The following MACROD2 variants were observed in gnomAD, a reference collection of about 807,000 sequenced individuals.
MACROD2 encodes ADP-ribose glycohydrolase MACROD2.
MACROD2 carries 36 observed loss-of-function variants against 70.4 expected under a neutral mutation model. The ratio of observed to expected loss-of-function variants is 0.51; its 90% CI spans 0.39 to 0.68. The LOEUF (loss-of-function observed/expected upper bound fraction) is 0.68. MACROD2 is among the 30% of genes least tolerant of loss of function. The pLI is 0.00. For synonymous variants in MACROD2, 172 were observed against 178.8 expected (o/e 0.96, Z 0.30); for missense variants, 496 against 538.4 (o/e 0.92, Z 0.78).
intron 8 of MACROD2, among the ~76,000 whole-genome samples, chr20:15,712,656 C>G (rs942199921): frequency 2.0e-5 from 3 of 152,126 alleles, no homozygotes; most frequent in Admixed American, 6.5e-5. Flanking sequence ...CTTCCAGTGC[C>G]TGTCTCCATT....
intron 12 of MACROD2, among the ~76,000 whole-genome samples, chr20:15,938,512 T>C (rs2065701042): frequency 6.6e-6 from 1 of 152,160 alleles, no homozygotes; most frequent in Admixed American, 6.5e-5. Flanking sequence ...TGGGGTGCTA[T>C]GTACTGTGCC....
At chr20:14,819,108 T>A (rs949880056) in intron 5 of MACROD2, among the ~76,000 whole-genome samples, 5 of 151,380 alleles carry the variant, frequency 3.3e-5, no homozygotes, top group Non-Finnish European at 5.9e-5. Flanking sequence ...CTACTAAAAA[T>A]ACAGAAAAAT....
At chr20:14,167,604 G>A (rs1236641431) in intron 3 of MACROD2, among the ~76,000 whole-genome samples, 5 of 151,790 alleles carry the variant, frequency 3.3e-5, no homozygotes, top group African/African-American at 1.2e-4. Flanking sequence ...TGGCCAGCCT[G>A]GTTGCGAACT....
At chr20:14,846,730 G>A (rs938597556) in intron 5 of MACROD2, among the ~76,000 whole-genome samples, 1 of 151,422 alleles carries the variant, frequency 6.6e-6, no homozygotes, top group East Asian at 1.9e-4. Context: ...TGTTAGCCAG[G>A]ATGGTCTTGA....
At chr20:13,997,991 T>G (rs1177670261) in intron 1 of MACROD2, among the ~76,000 whole-genome samples, 1 of 152,148 alleles carries the variant, frequency 6.6e-6, no homozygotes, top group Non-Finnish European at 1.5e-5. Context: ...AGCTGTCCTT[T>G]AAAGCTAAAG....
At chr20:15,748,704 T>C (rs2051223015) in intron 8 of MACROD2, among the ~76,000 whole-genome samples, 1 of 152,146 alleles carries the variant, frequency 6.6e-6, no homozygotes, top group African/African-American at 2.4e-5. Flanking sequence ...TTGTGTCTAG[T>C]TACAGGCTTC....
intron 5 of MACROD2, among the ~76,000 whole-genome samples, chr20:14,985,363 G>A (rs749526989): frequency 2.0e-5 from 3 of 152,194 alleles, no homozygotes; most frequent in Non-Finnish European, 4.4e-5. Flanking sequence ...CTACTGGTGT[G>A]TACAGGAAGG....
intron 12 of MACROD2, among the ~76,000 whole-genome samples, chr20:15,946,123 T>C (rs1331753803): frequency 6.6e-6 from 1 of 152,174 alleles, no homozygotes. Flanking sequence ...GCACTTTGTA[T>C]TATATTCCTG....
intron 4 of MACROD2, among the ~76,000 whole-genome samples, chr20:14,539,517 G>T (rs2085405290): frequency 6.6e-6 from 1 of 152,034 alleles, no homozygotes. Flanking sequence ...CAATATGAAG[G>T]CCCTGAAAAC....
intron 3 of MACROD2, among the ~76,000 whole-genome samples, chr20:14,356,851 C>T (rs1388166609): frequency 2.0e-5 from 3 of 152,086 alleles, no homozygotes; most frequent in Admixed American, 1.3e-4. Context: ...GGCATATTGG[C>T]GCTGGCTTCT....
At chr20:16,031,383 A>T (rs2067149649) in intron 15 of MACROD2, among the ~76,000 whole-genome samples, 2 of 152,150 alleles carry the variant, frequency 1.3e-5, no homozygotes, top group Admixed American at 6.6e-5. Context: ...GCTCTAAGTG[A>T]TCTGATTGAT....
chr20:16,018,967 G>A (rs975973176), intron 15 of MACROD2, among the ~76,000 whole-genome samples: 7 of 152,064 alleles, frequency 4.6e-5, no homozygotes, highest in Non-Finnish European at 1.0e-4. Flanking sequence ...CATCCCAGAG[G>A]CTTCTCTTCT....
At chr20:14,804,842 T>C (rs982442285) in intron 5 of MACROD2, among the ~76,000 whole-genome samples, 7 of 151,484 alleles carry the variant, frequency 4.6e-5, no homozygotes, top group Admixed American at 4.0e-4. Context: ...AGAGAAGAGA[T>C]GAAGAGGTGT....
At chr20:16,038,382 T>C (rs1038347001) in intron 15 of MACROD2, among the ~76,000 whole-genome samples, 5 of 151,924 alleles carry the variant, frequency 3.3e-5, no homozygotes, top group African/African-American at 1.2e-4. Flanking sequence ...TCCTATCTCA[T>C]ATGGTTCCTT....
intron 5 of MACROD2, among the ~76,000 whole-genome samples, chr20:14,801,093 G>A (rs2072570000): frequency 6.6e-6 from 1 of 152,128 alleles, no homozygotes; most frequent in African/African-American, 2.4e-5. Flanking sequence ...ATACAAGGGA[G>A]AAAATGGAAT....
At position 14,855,284 on chromosome 20, in the gene MACROD2, G is replaced by A. The variant is rs75801478; in HGVS notation, c.418+170325G>A. Among the ~76,000 whole-genome samples the A allele has an allele frequency of 0.01, 1,529 of 152,130 alleles. 56 individuals are homozygous for A. The East Asian group carries it at 0.11, about 11-fold the overall frequency. On this transcript the variant is annotated intron_variant, in intron 5 of 17. Coordinates refer to ENST00000684519, the MANE Select transcript of MACROD2 (RefSeq NM_001351661.2). ...GCAGGGACTAATCTTAAATACTTTG[G>A]AACTGGCTGTCTTCATTAACTAGCT...
At chr20:15,164,206 G>T (rs2076367640) in intron 5 of MACROD2, among the ~76,000 whole-genome samples, 1 of 151,972 alleles carries the variant, frequency 6.6e-6, no homozygotes, top group African/African-American at 2.4e-5. Context: ...GTTACAATAA[G>T]AAATAATTCA....
rs185029879 is a variant in MACROD2, at chr20:14,948,534, C to A, written c.418+263575C>A. ...TGAGAAGTGAGGTGGCAAAGATGCT[C>A]ATACAGCAACTCTAACTGTTTCCAG... On this transcript the variant is annotated intron_variant, in intron 5 of 17. Coordinates refer to ENST00000684519, the MANE Select transcript of MACROD2 (RefSeq NM_001351661.2). Among the ~76,000 whole-genome samples, 27 of 152,254 alleles carry A rather than the reference C, an allele frequency of 1.8e-4. 1 individual carries two copies. In the East Asian group the frequency reaches 5.0e-3, roughly 28 times the overall value.
At chr20:15,622,800 G>A (rs895783406) in intron 8 of MACROD2, among the ~76,000 whole-genome samples, 2 of 151,990 alleles carry the variant, frequency 1.3e-5, no homozygotes, top group African/African-American at 2.4e-5. Flanking sequence ...CTTTTCTTAC[G>A]GTGTATTGTT....
Sources: gnomAD v4.1 joint callset for allele counts (sites outside exome capture counted in the v4.1 genomes callset) on GRCh38, gnomAD v4.1.1 for gene constraint, MANE v1.5 for transcripts, NCBI Gene and HGNC (gene_info 2026-07-23, HGNC 2026-07-21) for gene names.